Variants in ZNF804B observed in about 807,000 individuals in gnomAD.
ZNF804B encodes the protein zinc finger 804B.
In ZNF804B, 80 loss-of-function variants were observed where a neutral mutation model predicts 101.4. The ratio of observed to expected loss-of-function variants is 0.79; its 90% CI spans 0.66 to 0.95. The LOEUF (loss-of-function observed/expected upper bound fraction) is 0.95, where lower values mean the gene tolerates loss of function less well. Ranked by LOEUF, ZNF804B falls within the 40% of genes least tolerant of loss-of-function variation. ZNF804B has a pLI of 0.00. For missense variants in ZNF804B, 1,673 were observed against 1,561.9 expected, an observed-to-expected ratio of 1.07 and a Z score of -1.20; for synonymous variants, 622 against 558.8, an observed-to-expected ratio of 1.11 and a Z score of -1.59.
chr7:88,778,776 C>T (rs1312457040), intron 1 of ZNF804B, among the ~76,000 whole-genome samples: 1 of 152,170 alleles, frequency 6.6e-6, no homozygotes, highest in African/African-American at 2.4e-5. Context: ...CCTGAAAGTA[C>T]TTCTTGATTA....
intron 1 of ZNF804B, among the ~76,000 whole-genome samples, chr7:88,854,541 T>TTCCTTTCCTTCCCTTCCCTTCCCTTC (rs1554340270): frequency 5.6e-5 from 5 of 88,650 alleles, no homozygotes; most frequent in South Asian, 8.5e-4. Flanking sequence ...CTTCCTTCCT[T>TTCCTTTCCTTCCCTTCCCTTCCCTTC]CCTTCCTTCC....
intron 2 of ZNF804B, among the ~76,000 whole-genome samples, chr7:89,247,632 A>G (rs1050546387): frequency 4.6e-5 from 7 of 152,188 alleles, no homozygotes; most frequent in Non-Finnish European, 1.0e-4. Context: ...GAATATAATT[A>G]CAAAAATTAG....
At chr7:88,836,695 G>T (rs935953436) in intron 1 of ZNF804B, among the ~76,000 whole-genome samples, 2 of 151,794 alleles carry the variant, frequency 1.3e-5, no homozygotes, top group Non-Finnish European at 2.9e-5. Flanking sequence ...TCTCTATGCA[G>T]ATTTCCAGAG....
intron 1 of ZNF804B, among the ~76,000 whole-genome samples, chr7:89,156,010 T>TTC (rs1790957481): frequency 8.8e-6 from 1 of 113,768 alleles, no homozygotes; most frequent in African/African-American, 3.1e-5. Context: ...TTTCTTTCTT[T>TTC]CTCTCTTTCC....
At chr7:89,223,627 T>A (rs948956538) in intron 2 of ZNF804B, among the ~76,000 whole-genome samples, 1 of 151,146 alleles carries the variant, frequency 6.6e-6, no homozygotes, top group Non-Finnish European at 1.5e-5. Flanking sequence ...ATTTATTTAT[T>A]TATTTATTTT....
rs867584925 is a variant in ZNF804B, at chr7:88,871,565, A to T, written c.108+111481A>T. ...ACACTATACTTTAGTGGAACTGAGC[A>T]AAATGTAAATATTATAAAGAAACAA... On this transcript the variant is annotated intron_variant, in intron 1 of 3. Coordinates refer to ENST00000333190, the MANE Select transcript of ZNF804B (RefSeq NM_181646.5). 3.3e-5 allele frequency among the ~76,000 whole-genome samples: 5 copies of T among 152,340 alleles called. No individual in the cohort carries two copies. The South Asian group carries it at 1.0e-3, about 32-fold the overall frequency.
At chr7:89,087,320 T>C (rs1789819574) in intron 1 of ZNF804B, among the ~76,000 whole-genome samples, 1 of 147,390 alleles carries the variant, frequency 6.8e-6, no homozygotes. Context: ...ACCTCAACTA[T>C]CATATATTTT....
intron 2 of ZNF804B, among the ~76,000 whole-genome samples, chr7:89,253,057 A>T (rs1789566792): frequency 6.6e-6 from 1 of 152,258 alleles, no homozygotes; most frequent in South Asian, 2.1e-4. Context: ...AGTTAACATA[A>T]ATAAGGACAG....
At position 89,199,846 on chromosome 7, in the gene ZNF804B, TATATA is replaced by T. The variant is rs543856797; in HGVS notation, c.109-18303_109-18299del. 4.0e-3 allele frequency among the ~76,000 whole-genome samples: 590 copies of T among 149,066 alleles called. 3 individuals are homozygous for T. The highest frequency in any genetic ancestry group is 0.014 in the African/African-American group (555 of 40,970). On this transcript the variant is annotated intron_variant, in intron 1 of 3. Coordinates refer to ENST00000333190, the MANE Select transcript of ZNF804B (RefSeq NM_181646.5). ...AAACATCCATATATGTGTGTGTGTA[TATATA>T]ATATATGTATACATTATATATGTAG...
chr7:88,848,194 A>G (rs973789418), intron 1 of ZNF804B, among the ~76,000 whole-genome samples: 1 of 152,190 alleles, frequency 6.6e-6, no homozygotes, highest in Non-Finnish European at 1.5e-5. Flanking sequence ...ATAATTACCT[A>G]GGCCAAAATG....
chr7:89,133,448 T>G (rs1443900017), intron 1 of ZNF804B, among the ~76,000 whole-genome samples: 1 of 152,002 alleles, frequency 6.6e-6, no homozygotes, highest in East Asian at 1.9e-4. Flanking sequence ...AGGCCAGGGT[T>G]AAGAGAGTCT....
intron 2 of ZNF804B, among the ~76,000 whole-genome samples, chr7:89,306,563 A>G (rs1477311950): frequency 2.0e-5 from 3 of 151,976 alleles, no homozygotes. Context: ...GAGAAGTAAA[A>G]TTTTGGGGGC....
At chr7:89,175,096 T>C (rs1418171376) in intron 1 of ZNF804B, among the ~76,000 whole-genome samples, 1 of 152,056 alleles carries the variant, frequency 6.6e-6, no homozygotes, top group Non-Finnish European at 1.5e-5. Flanking sequence ...TTTAAGTTGA[T>C]GTGATCTTAT....
At chr7:89,061,959 C>T (rs1297540691) in intron 1 of ZNF804B, among the ~76,000 whole-genome samples, 1 of 152,016 alleles carries the variant, frequency 6.6e-6, no homozygotes, top group Admixed American at 6.6e-5. Context: ...TTCCTTCAAA[C>T]ATTCATCACT....
chr7:89,103,733 C>G (rs1186356405), intron 1 of ZNF804B, among the ~76,000 whole-genome samples: 1 of 151,886 alleles, frequency 6.6e-6, no homozygotes, highest in Non-Finnish European at 1.5e-5. Context: ...CTTTCTCCTG[C>G]CTGATTGCTC....
At chr7:89,279,625 A>G (rs575252084) in intron 2 of ZNF804B, among the ~76,000 whole-genome samples, 3 of 151,978 alleles carry the variant, frequency 2.0e-5, no homozygotes, top group Non-Finnish European at 4.4e-5. Flanking sequence ...GGTTTTTGTC[A>G]TTGGTTCTGT....
intron 2 of ZNF804B, among the ~76,000 whole-genome samples, chr7:89,268,408 C>A (rs1332006905): frequency 6.6e-6 from 1 of 152,096 alleles, no homozygotes; most frequent in Non-Finnish European, 1.5e-5. Context: ...ACAAATCCCA[C>A]CTATGTTAGA....
intron 1 of ZNF804B, among the ~76,000 whole-genome samples, chr7:88,852,702 A>G (rs1445791049): frequency 6.6e-6 from 1 of 152,110 alleles, no homozygotes; most frequent in African/African-American, 2.4e-5. Context: ...CTTCATATAA[A>G]CATCAAATAA....
intron 1 of ZNF804B, among the ~76,000 whole-genome samples, chr7:88,886,622 A>G (rs1792132075): frequency 6.6e-6 from 1 of 151,270 alleles, no homozygotes. Flanking sequence ...GTGATTTTCA[A>G]TTTCATTATA....
Sources: allele counts gnomAD v4.1 joint callset (sites outside exome capture counted in the v4.1 genomes callset), GRCh38; gene constraint gnomAD v4.1.1; transcripts MANE v1.5; gene names NCBI Gene and HGNC (gene_info 2026-07-23, HGNC 2026-07-21).